Variants in TRIO observed in about 807,000 individuals in gnomAD.
TRIO encodes trio Rho guanine nucleotide exchange factor, also known as triple functional domain protein.
TRIO carries 58 observed loss-of-function variants against 351.9 expected under a neutral mutation model. That is an observed-to-expected ratio of 0.16 (90% CI 0.13 to 0.21). The LOEUF is 0.21. Among genes scored for constraint, TRIO ranks in the 10% least tolerant of loss-of-function variants. The pLI, the probability that TRIO is intolerant of heterozygous loss-of-function variation, is 1.00. For synonymous variants in TRIO, 1,758 were observed against 1,595.7 expected, an observed-to-expected ratio of 1.10 and a Z score of -2.42; for missense variants, 3,201 against 4,027.8, an observed-to-expected ratio of 0.79 and a Z score of 5.56.
intron 31 of TRIO, 122 bp downstream of exon 31, chr5:14,401,186 A>G: frequency 1.3e-6 from 1 of 773,234 alleles, no homozygotes; most frequent in Admixed American, 3.3e-5. Flanking sequence ...TGTGTGTTCT[A>G]TTCAGATTGG....
At position 14,461,095 on chromosome 5, in the gene TRIO, C is replaced by T; in HGVS notation, c.5280C>T (p.Ala1760=). The change falls in exon 35 of 57, where the codon GCC becomes GCT. Residue 1760 remains alanine, a synonymous_variant. Transcript: ENST00000344204. The part of the protein sequence containing the change: ...VASLQPHMIG[A]QSSPGPKRPG... ...CCCTCCAGCCCCACATGATCGGGGC[C>T]CAGAGCTCGCCGGGCCCCAAGCGGC... The T allele has an allele frequency of 1.9e-6, 3 of 1,567,378 alleles. No individual in the cohort carries two copies. Among genetic ancestry groups the T allele is most frequent in the African/African-American group, 2.7e-5 (2 of 73,646 alleles).
rs745436734 is a variant in TRIO at position 14,492,002 on chromosome 5, GTTC to G, written c.7633-559_7633-557del. On this transcript the variant is annotated intron_variant, in intron 48 of 56. Transcript: ENST00000344204. ...ATCGATTTACGTTCAGGGGTTCCAT[GTTC>G]TTCTTTTTGAAGAGACGAAGTAGAA... is the stretch of plus-strand genomic sequence containing the variant. Among the ~76,000 whole-genome samples, 7 of 152,292 alleles carry G rather than the reference GTTC, an allele frequency of 4.6e-5. No individual in the cohort carries two copies. The East Asian group carries it at 5.8e-4, about 13-fold the overall frequency.
rs1755489464 is a variant in TRIO, at chr5:14,481,239, C to T, written c.6342C>T (p.Phe2114=). 6.2e-7 allele frequency: 1 copy of T among 1,613,936 alleles called. No individual in the cohort carries two copies. Among genetic ancestry groups the T allele is most frequent in the Non-Finnish European group, 8.5e-7 (1 of 1,179,912 alleles). ...IMKYQLLLKD[F]LKYSKKASLD... is the part of the protein sequence containing the mutation. The stretch of plus-strand genomic sequence containing the variant: ...CCTCTCCATTTCCCTTGCAGGACTT[C>T]CTCAAGTATTCCAAAAAGGCCAGCC... The change falls in exon 44 of 57, where the codon TTC becomes TTT. Residue 2114 remains phenylalanine (F), a synonymous_variant. Coordinates refer to ENST00000344204, the MANE Select transcript of TRIO (RefSeq NM_007118.4).
intron 9 of TRIO, among the ~76,000 whole-genome samples, chr5:14,328,200 C>T (rs966099093): frequency 3.3e-5 from 5 of 152,092 alleles, no homozygotes; most frequent in East Asian, 1.9e-4. Context: ...TAAAACAACG[C>T]GCTCAATACA....
Position 14,292,941 on chromosome 5 carries a change from C to A in TRIO, c.1054-71C>A. On this transcript the variant is annotated intron_variant, in intron 5 of 56. Transcript: ENST00000344204. ...GGAAGTTGCCCTTTCTTGGTACTGC[C>A]CCATCTGTGGGCTTGTGTCAGTAAT... 2.5e-6 allele frequency: 4 copies of A among 1,605,626 alleles called. No individual in the cohort carries two copies. In the Middle Eastern group the frequency reaches 6.6e-4, roughly 267 times the overall value.
intron 18 of TRIO, 150 bp from the exon 19 acceptor site, chr5:14,374,079 A>T: frequency 7.6e-6 from 4 of 528,316 alleles, no homozygotes; most frequent in Middle Eastern, 2.9e-4. Context: ...TTTTAATTGA[A>T]TTAGATTTTA....
chr5:14,492,665 C>A lies in TRIO; in HGVS notation c.7731C>A (p.Val2577=), dbSNP rs146231483. 6.2e-7 allele frequency: 1 copy of A among 1,614,152 alleles called. No individual in the cohort carries two copies. The highest frequency in any genetic ancestry group is 8.5e-7 in the Non-Finnish European group (1 of 1,180,036). The change falls in exon 49 of 57, where the codon GTC becomes GTA. Residue 2577 remains valine, a synonymous_variant. Coordinates refer to ENST00000344204, the MANE Select transcript of TRIO (RefSeq NM_007118.4). Reference sequence around the variant, plus strand: ...AGATCAACGTCTACCAAGGAGAGGTCGTTCAAATTCTGGCCAGCAACCAGC... The same window carrying A: ...AGATCAACGTCTACCAAGGAGAGGTAGTTCAAATTCTGGCCAGCAACCAGC... ...EDEINVYQGE[V]VQILASNQQN...
chr5:14,441,460 A>G (rs1752039041), intron 34 of TRIO: 1 of 153,870 alleles, frequency 6.5e-6, no homozygotes, highest in South Asian at 2.1e-4. Context: ...TTTAAAACAG[A>G]AATGTTTTGT....
chr5:14,410,685 G>A (rs1038305910), intron 33 of TRIO, among the ~76,000 whole-genome samples: 9 of 152,060 alleles, frequency 5.9e-5, no homozygotes, highest in Admixed American at 2.6e-4. Flanking sequence ...TTTTTGACTC[G>A]GCCTCTTGGA....
intron 52 of TRIO, 22 bp from the exon 53 acceptor site, chr5:14,498,495 AGT>A (rs746373840): frequency 6.2e-7 from 1 of 1,608,064 alleles, no homozygotes; most frequent in Non-Finnish European, 8.5e-7. Context: ...TCTGATGCGC[AGT>A]GTGTTCCCAT....
chr5:14,226,354 G>A (rs978339962), intron 1 of TRIO, among the ~76,000 whole-genome samples: 6 of 152,196 alleles, frequency 3.9e-5, no homozygotes, highest in African/African-American at 9.6e-5. Context: ...TAGCGCAGCT[G>A]TGTTTTTAGA....
At chr5:14,383,594 A>G (rs1345535458) in intron 21 of TRIO, among the ~76,000 whole-genome samples, 3 of 152,230 alleles carry the variant, frequency 2.0e-5, no homozygotes, top group Admixed American at 6.5e-5. Context: ...TGTGAGTGAT[A>G]TATGACCTTT....
chr5:14,505,084 C>T (rs1190917936), intron 55 of TRIO, among the ~76,000 whole-genome samples: 3 of 152,242 alleles, frequency 2.0e-5, no homozygotes, highest in Non-Finnish European at 2.9e-5. Context: ...AGAGGGGGCG[C>T]GGGCACACCA....
chr5:14,495,798 C>G (rs1207250562), intron 49 of TRIO, among the ~76,000 whole-genome samples: 2 of 151,382 alleles, frequency 1.3e-5, no homozygotes, highest in Non-Finnish European at 2.9e-5. Context: ...AACCCCATCT[C>G]TACTAAAAAT....
At chr5:14,448,494 C>T (rs1036942267) in intron 34 of TRIO, among the ~76,000 whole-genome samples, 2 of 152,246 alleles carry the variant, frequency 1.3e-5, no homozygotes, top group African/African-American at 4.8e-5. Context: ...TCTCCCCTGA[C>T]CTCTGCTGTC....
intron 6 of TRIO, among the ~76,000 whole-genome samples, chr5:14,296,521 C>CA (rs1215777837): frequency 6.6e-6 from 1 of 152,202 alleles, no homozygotes; most frequent in African/African-American, 2.4e-5. Context: ...GTTTTTACTG[C>CA]AATTCATATT....
intron 34 of TRIO, among the ~76,000 whole-genome samples, chr5:14,446,957 G>A (rs1025845368): frequency 5.4e-4 from 83 of 152,322 alleles, no homozygotes; most frequent in African/African-American, 1.8e-3. Flanking sequence ...GTGGCTGGGC[G>A]TGGTGGCTCA....
rs560959706 is a variant in TRIO, at chr5:14,221,772, A to G, written c.158-49053A>G. ...AAAGAAAGTGGTTTTTTGAGATGGA[A>G]TCTACACTTGGTGAAGATGCTGTGA... On this transcript the variant is annotated intron_variant, in intron 1 of 56. Transcript: ENST00000344204. Among the ~76,000 whole-genome samples, 51 of 152,196 alleles carry G rather than the reference A, an allele frequency of 3.4e-4. 1 individual carries two copies. The highest frequency in any genetic ancestry group is 7.2e-4 in the Admixed American group (11 of 15,286).
At chr5:14,370,219 G>A (rs1051356550) in intron 18 of TRIO, among the ~76,000 whole-genome samples, 4 of 151,900 alleles carry the variant, frequency 2.6e-5, no homozygotes, top group African/African-American at 9.7e-5. Flanking sequence ...TGAACTTCCT[G>A]GGCTTAAGCG....
Sources: allele counts gnomAD v4.1 joint callset (sites outside exome capture counted in the v4.1 genomes callset), GRCh38; gene constraint gnomAD v4.1.1; transcripts MANE v1.5; gene names NCBI Gene and HGNC (gene_info 2026-07-23, HGNC 2026-07-21).